The following SLC24A2 variants were observed in gnomAD, a reference collection of about 807,000 sequenced individuals.
The protein encoded by SLC24A2 is sodium/potassium/calcium exchanger 2.
Under a neutral mutation model 62.0 loss-of-function variants are expected in SLC24A2, and 36 were observed. The observed-to-expected ratio is 0.58, with a 90% CI of 0.44 to 0.77. The LOEUF (loss-of-function observed/expected upper bound fraction) is 0.77. Ranked by LOEUF, SLC24A2 falls within the 30% of genes least tolerant of loss-of-function variation. SLC24A2 has a pLI of 0.00. For synonymous variants in SLC24A2, 358 were observed against 294.0 expected (o/e 1.22, Z -2.23); for missense variants, 846 against 817.9 (o/e 1.03, Z -0.42).
Position 19,528,073 on chromosome 9 carries a change from G to C in SLC24A2, c.1545C>G (p.Tyr515Ter), listed in dbSNP as rs777114566. The change falls in exon 9 of 11, where the codon TAC becomes TAG. Residue 515 changes from tyrosine (Y) to a stop codon, truncating the protein, a stop_gained. Coordinates refer to ENST00000341998, the MANE Select transcript of SLC24A2 (RefSeq NM_020344.4). LOFTEE classifies it high-confidence loss of function. Reference protein sequence around the residue: ...GSITWIAVFSYLMVWWAHQVG... With the variant: ...GSITWIAVFS ...CCTGGTGCGCCCACCAGACCATCAA[G>C]TAAGAGAATACTGCAATCCAGGTAA... 6.3e-7 allele frequency: 1 copy of C among 1,596,596 alleles called. No homozygotes were observed. Among genetic ancestry groups the C allele is most frequent in the Admixed American group, 1.7e-5 (1 of 57,870 alleles).
the SLC24A2 span, among the ~76,000 whole-genome samples, chr9:19,947,806 A>AGG: frequency 9.9e-6 from 1 of 100,674 alleles, no homozygotes; most frequent in African/African-American, 3.4e-5. Flanking sequence ...AAAAAAAAAA[A>AGG]AAAAAGAAAG....
the SLC24A2 span, among the ~76,000 whole-genome samples, chr9:19,998,672 T>C: frequency 6.6e-6 from 1 of 152,210 alleles, no homozygotes; most frequent in Non-Finnish European, 1.5e-5. Context: ...TCAATCAGAT[T>C]TGCTGTTTTG....
the SLC24A2 span, among the ~76,000 whole-genome samples, chr9:20,091,156 A>G: frequency 6.6e-6 from 1 of 152,178 alleles, no homozygotes; most frequent in Non-Finnish European, 1.5e-5. Flanking sequence ...AGAAAAAGAA[A>G]AAAAAAGAAT....
At chr9:19,831,588 C>T in the SLC24A2 span, among the ~76,000 whole-genome samples, 1 of 152,170 alleles carries the variant, frequency 6.6e-6, no homozygotes, top group African/African-American at 2.4e-5. Context: ...TTCTCGATGA[C>T]ACTGCTTCAT....
intron 2 of SLC24A2, among the ~76,000 whole-genome samples, chr9:19,676,272 G>A (rs979272344): frequency 3.3e-5 from 5 of 152,314 alleles, no homozygotes; most frequent in Admixed American, 1.3e-4. Context: ...CAAAGGGTCT[G>A]TAGATTCTCT....
At chr9:20,163,973 A>T in the SLC24A2 span, among the ~76,000 whole-genome samples, 1 of 152,194 alleles carries the variant, frequency 6.6e-6, no homozygotes, top group Non-Finnish European at 1.5e-5. Flanking sequence ...TCTTATACAA[A>T]AATTAATTCA....
the SLC24A2 span, among the ~76,000 whole-genome samples, chr9:20,028,153 C>G: frequency 6.6e-6 from 1 of 152,160 alleles, no homozygotes; most frequent in African/African-American, 2.4e-5. Flanking sequence ...TTCCTGCCAG[C>G]TGGTATTCAA....
intron 2 of SLC24A2, among the ~76,000 whole-genome samples, chr9:19,644,075 A>T (rs890272872): frequency 6.6e-6 from 1 of 152,250 alleles, no homozygotes; most frequent in Non-Finnish European, 1.5e-5. Flanking sequence ...TCACCTCAAC[A>T]TCTCAGTTGT....
rs80346246 is a variant in SLC24A2, at chr9:19,772,028, T to C, written c.930+13909A>G. ...GTTCACATCTTGGAGCAAAGGCCTGTGGCCTAACTGCTTTGCTGGTAGGGC... is the reference window on the plus strand; with the variant it reads ...GTTCACATCTTGGAGCAAAGGCCTGCGGCCTAACTGCTTTGCTGGTAGGGC... On this transcript the variant is annotated intron_variant, in intron 2 of 10. Coordinates refer to ENST00000341998, the MANE Select transcript of SLC24A2 (RefSeq NM_020344.4). 2.0e-4 allele frequency among the ~76,000 whole-genome samples: 30 copies of C among 152,320 alleles called. No homozygotes were observed. The East Asian group carries it at 4.6e-3, about 23-fold the overall frequency.
chr9:19,524,418 C>CA (rs34416897), intron 9 of SLC24A2, among the ~76,000 whole-genome samples: 36,914 of 118,660 alleles, frequency 0.31, 5,771 homozygotes, highest in South Asian at 0.52. Flanking sequence ...AAGATAAAGG[C>CA]AAAAAAAAAA....
At chr9:19,836,720 T>C in the SLC24A2 span, among the ~76,000 whole-genome samples, 1 of 152,186 alleles carries the variant, frequency 6.6e-6, no homozygotes, top group Non-Finnish European at 1.5e-5. Flanking sequence ...CCTCCCTAAC[T>C]CATTTTATGA....
intron 7 of SLC24A2, among the ~76,000 whole-genome samples, chr9:19,564,146 C>A (rs900206306): frequency 2.0e-5 from 3 of 152,078 alleles, no homozygotes; most frequent in Non-Finnish European, 4.4e-5. Flanking sequence ...GTGTGAGCCA[C>A]CATGCCTGGC....
chr9:20,060,655 T>C, the SLC24A2 span, among the ~76,000 whole-genome samples: 1 of 152,112 alleles, frequency 6.6e-6, no homozygotes, highest in Non-Finnish European at 1.5e-5. Flanking sequence ...TTCCAACTTG[T>C]TAAAGGGTGT....
At chr9:20,074,555 CAGGAAGGAAGGA>C in the SLC24A2 span, among the ~76,000 whole-genome samples, 93 of 87,354 alleles carry the variant, frequency 1.1e-3, no homozygotes, top group Middle Eastern at 6.3e-3. Context: ...GAGAAGAAGG[CAGGAAGGAAGGA>C]AGGAAGGAAG....
the SLC24A2 span, among the ~76,000 whole-genome samples, chr9:20,244,550 G>T: frequency 6.6e-6 from 1 of 152,172 alleles, no homozygotes. Flanking sequence ...CACCAGTGCC[G>T]AACATCTTTG....
the SLC24A2 span, among the ~76,000 whole-genome samples, chr9:20,172,680 C>T: frequency 2.0e-5 from 3 of 151,920 alleles, no homozygotes; most frequent in Non-Finnish European, 2.9e-5. Context: ...AGCCCAATAA[C>T]AAGCAGTGAA....
At chr9:19,560,927 AG>A (rs1835365227) in intron 7 of SLC24A2, among the ~76,000 whole-genome samples, 1 of 137,668 alleles carries the variant, frequency 7.3e-6, no homozygotes, top group African/African-American at 3.0e-5. Flanking sequence ...AGAGAGAGAG[AG>A]AGAGAGAGAG....
the SLC24A2 span, among the ~76,000 whole-genome samples, chr9:20,053,909 T>C: frequency 6.6e-6 from 1 of 152,134 alleles, no homozygotes; most frequent in South Asian, 2.1e-4. Context: ...GCTTTCCAAT[T>C]CCCCATTGTA....
the SLC24A2 span, among the ~76,000 whole-genome samples, chr9:19,837,730 C>G: frequency 3.3e-5 from 5 of 151,874 alleles, no homozygotes; most frequent in African/African-American, 1.2e-4. Context: ...TCTCAGGATA[C>G]AAAATCAATG....
Sources: allele counts gnomAD v4.1 joint callset (sites outside exome capture counted in the v4.1 genomes callset), GRCh38; gene constraint gnomAD v4.1.1; transcripts MANE v1.5; gene names NCBI Gene and HGNC (gene_info 2026-07-23, HGNC 2026-07-21).